Variants in OCIAD1 observed in about 807,000 individuals in gnomAD.
The protein encoded by OCIAD1 is OCIA domain-containing protein 1.
A neutral mutation model predicts 38.9 loss-of-function variants in OCIAD1; 29 were observed. That is an observed-to-expected ratio of 0.74 (90% confidence interval 0.55 to 1.02). The LOEUF (loss-of-function observed/expected upper bound fraction) is 1.02, where lower values mean the gene tolerates loss of function less well. OCIAD1 is among the 50% of genes least tolerant of loss of function. The pLI, the probability that OCIAD1 is intolerant of heterozygous loss-of-function variation, is 0.00. For synonymous variants in OCIAD1, 110 were observed against 92.0 expected, an observed-to-expected ratio of 1.20 and a Z score of -1.12; for missense variants, 288 against 289.6, an observed-to-expected ratio of 0.99 and a Z score of 0.04.
chr4:48,861,003 A>AAC lies in OCIAD1; in HGVS notation c.*241_*242insAC. 2.3e-6 allele frequency: 1 copy of AAC among 427,144 alleles called. No individual in the cohort carries two copies. The highest frequency in any genetic ancestry group is 4.1e-6 in the Non-Finnish European group (1 of 241,718). The allele number at this position is 427,144 out of a possible 1,614,324, so 26.5% of individuals were successfully genotyped here. A position where few individuals can be genotyped will look rare whatever the true frequency, so the allele number is the denominator to read the frequency against. On this transcript the variant is annotated 3_prime_UTR_variant, in exon 9 of 9. Transcript: ENST00000264312. ...TGATGGTATTATACCATGATTGTAT[A>AAC]CAGTTTGTGAAATTGTTGCAAGGGC... is the stretch of plus-strand genomic sequence containing the variant.
chr4:48,813,068 A>G (rs1777107354), intron 1 of OCIAD1, among the ~76,000 whole-genome samples: 2 of 152,220 alleles, frequency 1.3e-5, no homozygotes, highest in South Asian at 4.1e-4. Flanking sequence ...GTACAGGTGC[A>G]GAAGAATTCC....
At chr4:48,845,344 A>G (rs1778891903) in intron 4 of OCIAD1, among the ~76,000 whole-genome samples, 1 of 152,210 alleles carries the variant, frequency 6.6e-6, no homozygotes, top group Non-Finnish European at 1.5e-5. Context: ...CTTTTCAAAA[A>G]CAACCTGTTT....
At chr4:48,828,250 G>C (rs1370788589), upstream of OCIAD1, among the ~76,000 whole-genome samples, 1 of 152,046 alleles carries the variant, frequency 6.6e-6, no homozygotes, top group Non-Finnish European at 1.5e-5. Flanking sequence ...CTAAAGGATT[G>C]TAAATGCACC....
chr4:48,833,591 AC>A (rs752709962), intron 3 of OCIAD1, 110 bp downstream of exon 3: 1 of 651,940 alleles, frequency 1.5e-6, no homozygotes, highest in Non-Finnish European at 2.7e-6. Context: ...AAATTGGCAA[AC>A]TTTTTGCATA....
intron 1 of OCIAD1, among the ~76,000 whole-genome samples, chr4:48,817,581 G>A (rs1268098115): frequency 6.6e-6 from 1 of 152,200 alleles, no homozygotes; most frequent in African/African-American, 2.4e-5. Context: ...AGACAGAATT[G>A]TTTACTCCCC....
chr4:48,815,987 CT>C (rs1442902215), intron 1 of OCIAD1, among the ~76,000 whole-genome samples: 1 of 152,188 alleles, frequency 6.6e-6, no homozygotes, highest in East Asian at 1.9e-4. Flanking sequence ...TTCATCCCTA[CT>C]TAGCTTCAAT....
At chr4:48,842,255 G>A (rs17576231) in intron 3 of OCIAD1, among the ~76,000 whole-genome samples, 1,965 of 152,284 alleles carry the variant, frequency 0.013, 21 homozygotes, top group Middle Eastern at 0.02. Flanking sequence ...CTCAGTAGTG[G>A]TTCTTACTTG....
intron 7 of OCIAD1, 46 bp downstream of exon 7, chr4:48,852,021 G>T (rs202110249): frequency 2.7e-6 from 4 of 1,470,644 alleles, no homozygotes; most frequent in Admixed American, 1.9e-5. Context: ...ATGGTCCAAC[G>T]TATGTATAAA....
chr4:48,833,631 A>T, intron 3 of OCIAD1, 150 bp downstream of exon 3: 2 of 568,948 alleles, frequency 3.5e-6, no homozygotes, highest in Non-Finnish European at 6.3e-6. Flanking sequence ...GAGATTAAGG[A>T]GATAAAGGAA....
At chr4:48,851,598 C>T (rs1354686729) in intron 6 of OCIAD1, among the ~76,000 whole-genome samples, 2 of 151,936 alleles carry the variant, frequency 1.3e-5, no homozygotes, top group African/African-American at 2.4e-5. Flanking sequence ...ATTGCTTGAG[C>T]CTAGGAGGTG....
At chr4:48,817,517 G>A (rs1777155136) in intron 1 of OCIAD1, among the ~76,000 whole-genome samples, 2 of 152,150 alleles carry the variant, frequency 1.3e-5, no homozygotes, top group African/African-American at 4.8e-5. Flanking sequence ...GGCAGACACC[G>A]AGCTAACTGC....
At chr4:48,834,227 A>G (rs188234070) in intron 3 of OCIAD1, among the ~76,000 whole-genome samples, 1 of 152,116 alleles carries the variant, frequency 6.6e-6, no homozygotes, top group African/African-American at 2.4e-5. Context: ...GCTGGAGTAC[A>G]ATGGTGTGAT....
At chr4:48,833,333 A>G in intron 2 of OCIAD1, 68 bp from the exon 3 acceptor site, 1 of 917,792 alleles carries the variant, frequency 1.1e-6, no homozygotes, top group South Asian at 1.5e-5. Context: ...TGTTTAGGCT[A>G]AGATAATTTT....
At chr4:48,842,549 G>A in intron 3 of OCIAD1, 87 bp from the exon 4 acceptor site, 1 of 802,758 alleles carries the variant, frequency 1.2e-6, no homozygotes, top group South Asian at 1.6e-5. Flanking sequence ...ATTCCTAGAT[G>A]GTTTTACTGC....
chr4:48,852,882 G>GTTTTTTTTTTTTTTTTTTTTTTTTT (rs1439653723), intron 7 of OCIAD1, among the ~76,000 whole-genome samples: 1 of 126,338 alleles, frequency 7.9e-6, no homozygotes, highest in African/African-American at 3.2e-5. Flanking sequence ...TTTGTTTTTT[G>GTTTTTTTTTTTTTTTTTTTTTTTTT]TTTTTTTTTT....
chr4:48,838,266 C>T (rs1778186560), intron 3 of OCIAD1, among the ~76,000 whole-genome samples: 1 of 149,190 alleles, frequency 6.7e-6, no homozygotes, highest in African/African-American at 2.5e-5. Flanking sequence ...TGCAGCAAGC[C>T]AAGATCGTGC....
intron 4 of OCIAD1, among the ~76,000 whole-genome samples, chr4:48,847,392 T>A (rs1404572292): frequency 6.6e-6 from 1 of 152,220 alleles, no homozygotes; most frequent in Non-Finnish European, 1.5e-5. Flanking sequence ...CCCACTCTGT[T>A]TAACTGTAGT....
chr4:48,856,770 G>C (rs185024290), intron 7 of OCIAD1: 8 of 152,266 alleles, frequency 5.3e-5, no homozygotes, highest in African/African-American at 1.9e-4. Flanking sequence ...AGAGTCTGTG[G>C]TTATAGGACT....
intron 7 of OCIAD1, among the ~76,000 whole-genome samples, chr4:48,852,890 T>TGTTTG (rs1779650954): frequency 6.8e-6 from 1 of 147,580 alleles, no homozygotes; most frequent in African/African-American, 2.5e-5. Context: ...TTGTTTTTTT[T>TGTTTG]TTTTTTTTTG....
Sources: gnomAD v4.1 joint callset for allele counts (sites outside exome capture counted in the v4.1 genomes callset) on GRCh38, gnomAD v4.1.1 for gene constraint, MANE v1.5 for transcripts, NCBI Gene and HGNC (gene_info 2026-07-23, HGNC 2026-07-21) for gene names.